Variants in SLC8A3 observed in about 807,000 individuals in gnomAD.
SLC8A3 encodes sodium/calcium exchanger 3.
In SLC8A3, 37 loss-of-function variants were observed where a neutral mutation model predicts 65.4. The ratio of observed to expected loss-of-function variants is 0.57; its 90% CI spans 0.44 to 0.74. The LOEUF (loss-of-function observed/expected upper bound fraction) is 0.74. Ranked by LOEUF, SLC8A3 falls within the 30% of genes least tolerant of loss-of-function variation. The pLI is 0.00. For synonymous variants in SLC8A3, 461 were observed against 444.5 expected, an observed-to-expected ratio of 1.04 and a Z score of -0.47; for missense variants, 1,112 against 1,172.1, an observed-to-expected ratio of 0.95 and a Z score of 0.75.
intron 2 of SLC8A3, among the ~76,000 whole-genome samples, chr14:70,102,845 C>A (rs572433559): frequency 6.6e-6 from 1 of 152,028 alleles, no homozygotes; most frequent in East Asian, 1.9e-4. Context: ...CTATGTACAA[C>A]TGGAGTTCCA....
chr14:70,181,915 C>T (rs946635513), intron 1 of SLC8A3, among the ~76,000 whole-genome samples: 2 of 152,226 alleles, frequency 1.3e-5, no homozygotes, highest in South Asian at 2.1e-4. Context: ...GTAAGTACTT[C>T]GTACAGTCAT....
chr14:70,141,427 G>T (rs1895567629), intron 2 of SLC8A3, among the ~76,000 whole-genome samples: 1 of 152,222 alleles, frequency 6.6e-6, no homozygotes, highest in African/African-American at 2.4e-5. Flanking sequence ...CTTGAAATTT[G>T]CAGGTTAGGT....
rs1555385182 is a variant in SLC8A3 at position 70,174,651 on chromosome 14, G to GGT, written c.-62-6168_-62-6167insAC. ...CCAAAAAGCCCCTTGGACCAAATCC[G>GGT]TTTTTTTTTTGTTTTTTTTTTTTTT... is the stretch of plus-strand genomic sequence containing the variant. On this transcript the variant is annotated intron_variant, in intron 1 of 6. Transcript: ENST00000356921. 8.1e-4 allele frequency among the ~76,000 whole-genome samples: 73 copies of GGT among 90,362 alleles called. 3 individuals carry two copies. Among genetic ancestry groups the GGT allele is most frequent in the African/African-American group, 3.4e-3 (68 of 20,248 alleles). The allele number at this position is 90,362 out of a possible 152,430, so 59.3% of individuals were successfully genotyped here.
chr14:70,187,983 G>T (rs941581302), intron 1 of SLC8A3, among the ~76,000 whole-genome samples: 1 of 152,126 alleles, frequency 6.6e-6, no homozygotes, highest in Admixed American at 6.5e-5. Context: ...CACATATGCC[G>T]ACATGCATCC....
chr14:70,183,833 T>C (rs1242876807), intron 1 of SLC8A3, among the ~76,000 whole-genome samples: 1 of 152,176 alleles, frequency 6.6e-6, no homozygotes, highest in Non-Finnish European at 1.5e-5. Context: ...AATCTTCCTG[T>C]ACCCAGCTAT....
chr14:70,056,263 T>G (rs933451014), intron 3 of SLC8A3, among the ~76,000 whole-genome samples: 2 of 152,136 alleles, frequency 1.3e-5, no homozygotes, highest in Non-Finnish European at 1.5e-5. Flanking sequence ...AAAATGACCA[T>G]GGGGCTTGAA....
At chr14:70,095,539 G>T (rs1892115650) in intron 2 of SLC8A3, among the ~76,000 whole-genome samples, 1 of 152,200 alleles carries the variant, frequency 6.6e-6, no homozygotes, top group African/African-American at 2.4e-5. Flanking sequence ...GCTGCCCATA[G>T]ACCTGGCAGT....
intron 2 of SLC8A3, among the ~76,000 whole-genome samples, chr14:70,154,285 A>AT (rs1896445326): frequency 1.3e-5 from 2 of 152,230 alleles, no homozygotes; most frequent in Non-Finnish European, 2.9e-5. Context: ...CTAGGGCTAA[A>AT]ATTTTTTTGT....
intron 2 of SLC8A3, among the ~76,000 whole-genome samples, chr14:70,166,269 A>C (rs1897154656): frequency 6.6e-6 from 1 of 152,194 alleles, no homozygotes; most frequent in Admixed American, 6.5e-5. Context: ...GAAGGGAGGA[A>C]GAAGAGGCCC....
intron 2 of SLC8A3, among the ~76,000 whole-genome samples, chr14:70,081,680 G>A (rs1039735536): frequency 6.6e-6 from 1 of 152,184 alleles, no homozygotes; most frequent in Non-Finnish European, 1.5e-5. Flanking sequence ...GGGCAGGGAA[G>A]AAGGGTATTG....
intron 1 of SLC8A3, among the ~76,000 whole-genome samples, chr14:70,186,722 T>C (rs1883252817): frequency 6.6e-6 from 1 of 152,142 alleles, no homozygotes; most frequent in East Asian, 1.9e-4. Flanking sequence ...AGTCCACATC[T>C]AGTTACCCTA....
chr14:70,181,238 A>T (rs1248874726), intron 1 of SLC8A3, among the ~76,000 whole-genome samples: 1 of 152,146 alleles, frequency 6.6e-6, no homozygotes, highest in East Asian at 1.9e-4. Context: ...CCTCTATGAC[A>T]CCATTTTCCT....
At chr14:70,183,277 A>G (rs114441903) in intron 1 of SLC8A3, among the ~76,000 whole-genome samples, 309 of 152,316 alleles carry the variant, frequency 2.0e-3, no homozygotes, top group African/African-American at 6.7e-3. Flanking sequence ...CTTATTAGAT[A>G]TGATTCTGTA....
At position 70,188,386 on chromosome 14, in the gene SLC8A3, T is replaced by A. The variant is rs1281177588; in HGVS notation, c.-70A>T. ...GCTCACCCCATTACTCACCGTTTCC[T>A]CTCGGCCTCCCGAGCGGAGTGGGCA... On this transcript the variant is annotated 5_prime_UTR_variant, in exon 1 of 7. Coordinates refer to ENST00000356921, the MANE Select transcript of SLC8A3 (RefSeq NM_182932.3). The A allele has an allele frequency of 1.3e-5, 2 of 152,158 alleles. No individual in the cohort carries two copies. The highest frequency in any genetic ancestry group is 2.9e-5 in the Non-Finnish European group (2 of 68,052). 9.4% of individuals were successfully genotyped at this position (152,158 alleles called of 1,614,324 possible). A position where few individuals can be genotyped will look rare whatever the true frequency, so the allele number is the denominator to read the frequency against.
chr14:70,159,611 T>G (rs938775065), intron 2 of SLC8A3, among the ~76,000 whole-genome samples: 1 of 151,666 alleles, frequency 6.6e-6, no homozygotes, highest in Non-Finnish European at 1.5e-5. Flanking sequence ...CCAGAAAGAG[T>G]CCTCCTCATT....
intron 2 of SLC8A3, among the ~76,000 whole-genome samples, chr14:70,074,565 G>T (rs552283219): frequency 6.6e-6 from 1 of 152,338 alleles, no homozygotes; most frequent in Admixed American, 6.5e-5. Context: ...TCACAAAGGT[G>T]GGGAAGGGAG....
At chr14:70,063,861 A>G (rs930798002) in intron 2 of SLC8A3, 2 of 1,612,318 alleles carry the variant, frequency 1.2e-6, no homozygotes, top group Admixed American at 1.7e-5. Context: ...GGGGCCCATC[A>G]TCTCAATGAA....
chr14:70,124,900 G>A (rs76057869), intron 2 of SLC8A3, among the ~76,000 whole-genome samples: 2,220 of 152,330 alleles, frequency 0.015, 35 homozygotes, highest in Middle Eastern at 0.041. Context: ...ACTGTCAAAA[G>A]GAAGAGGGAT....
At chr14:70,121,691 C>T (rs1158289369) in intron 2 of SLC8A3, among the ~76,000 whole-genome samples, 1 of 152,132 alleles carries the variant, frequency 6.6e-6, no homozygotes, top group African/African-American at 2.4e-5. Context: ...CTAAGGAAAA[C>T]AAAAAGCCCC....
Sources: gnomAD v4.1 joint callset for allele counts (sites outside exome capture counted in the v4.1 genomes callset) on GRCh38, gnomAD v4.1.1 for gene constraint, MANE v1.5 for transcripts, NCBI Gene and HGNC (gene_info 2026-07-23, HGNC 2026-07-21) for gene names.